BPHL: variants seen among roughly 807,000 people sequenced by gnomAD.
BPHL encodes the protein biphenyl hydrolase like.
A neutral mutation model predicts 31.2 loss-of-function variants in BPHL; 27 were observed. That is an observed-to-expected ratio of 0.87 (90% confidence interval 0.64 to 1.19). The LOEUF is 1.19. Among genes scored for constraint, BPHL ranks in the 50% most tolerant of loss-of-function variants. BPHL has a pLI of 0.00. For synonymous variants in BPHL, 150 were observed against 146.8 expected (o/e 1.02, Z -0.16); for missense variants, 356 against 375.7 (o/e 0.95, Z 0.43).
chr6:3,142,568 A>G (rs1369323701), intron 6 of BPHL, among the ~76,000 whole-genome samples: 1 of 152,208 alleles, frequency 6.6e-6, no homozygotes. Flanking sequence ...TATGAAAAAT[A>G]TTATCCATTT....
Position 3,149,472 on chromosome 6 carries a change from G to C in BPHL, c.789-3016G>C, listed in dbSNP as rs1343138839. Among the ~76,000 whole-genome samples, 1 of 152,118 alleles carries C rather than the reference G, an allele frequency of 6.6e-6. No individual in the cohort carries two copies. Among genetic ancestry groups the C allele is most frequent in the East Asian group, 1.9e-4 (1 of 5,192 alleles). On this transcript the variant is annotated intron_variant, in intron 6 of 6. Transcript: ENST00000380379. This position sits in a 1 kb window ranked among gnomAD's most constrained non-coding sequence, Gnocchi z 4.6. ...TCTAATGCTTGTGTCTAATGCTTGA[G>C]ACATGGTTGCTTTTGAGAAATGGAG...
At chr6:3,118,679 G>C (rs886148691), upstream of BPHL, 144 of 1,172,368 alleles carry the variant, frequency 1.2e-4, no homozygotes, top group Admixed American at 9.3e-4. Context: ...GGGCAGAGTG[G>C]GCCGGGTACC....
intron 4 of BPHL, among the ~76,000 whole-genome samples, chr6:3,134,468 T>A (rs536554226): frequency 1.3e-3 from 189 of 148,062 alleles, no homozygotes; most frequent in African/African-American, 4.4e-3. Context: ...AGACAGGGTC[T>A]CCACTATTGC....
intron 6 of BPHL, among the ~76,000 whole-genome samples, chr6:3,145,982 T>TG (rs1320031294): frequency 1.1e-4 from 3 of 26,418 alleles, no homozygotes; most frequent in East Asian, 2.1e-3. Flanking sequence ...AGTGCTGGTT[T>TG]GGGTCGAGTG....
chr6:3,140,390 C>T lies in BPHL; in HGVS notation c.669C>T (p.Asn223=), dbSNP rs1762139579. 2 of 1,614,018 alleles carry T rather than the reference C, an allele frequency of 1.2e-6. No homozygotes were observed. The highest frequency in any genetic ancestry group is 2.7e-5 in the African/African-American group (2 of 74,886). The change falls in exon 6 of 7, where the codon AAC becomes AAT. Residue 223 remains asparagine, a synonymous_variant. Transcript: ENST00000380379. This position sits in a 1 kb window ranked among gnomAD's most constrained non-coding sequence, Gnocchi z 5.2. ...IRQFKHLPDG[N]ICRHLLPRVQ... is the part of the protein sequence containing the mutation. ...CTCGTGCTGTGTATCCGTCAGGTAACATCTGCCGGCACCTGCTGCCCCGGG... is the reference window on the plus strand; with the variant it reads ...CTCGTGCTGTGTATCCGTCAGGTAATATCTGCCGGCACCTGCTGCCCCGGG...
chr6:3,146,810 G>A (rs1349963269), intron 6 of BPHL, among the ~76,000 whole-genome samples: 2 of 150,856 alleles, frequency 1.3e-5, no homozygotes, highest in Non-Finnish European at 3.0e-5. Flanking sequence ...TGCTGGTTCG[G>A]GTTGGAGTGC....
intron 4 of BPHL, among the ~76,000 whole-genome samples, chr6:3,137,135 C>T (rs1384196107): frequency 2.6e-5 from 4 of 151,880 alleles, no homozygotes; most frequent in Admixed American, 6.6e-5. Flanking sequence ...AGCAAAGTCC[C>T]TTACACTGCA....
intron 4 of BPHL, among the ~76,000 whole-genome samples, chr6:3,136,024 G>A (rs975667912): frequency 2.6e-5 from 4 of 152,092 alleles, no homozygotes; most frequent in Admixed American, 2.6e-4. Flanking sequence ...TTCCTTTGCT[G>A]TATTTTCAGG....
At chr6:3,145,683 GGGTCGAGTGCTGGTTCA>G (rs1762324051) in intron 6 of BPHL, among the ~76,000 whole-genome samples, 2 of 70,648 alleles carry the variant, frequency 2.8e-5, no homozygotes, top group Non-Finnish European at 6.8e-5. Context: ...GTGCTGGTTT[GGGTCGAGTGCTGGTTCA>G]GGTTGGAGTG....
chr6:3,148,872 G>A (rs778077556), intron 6 of BPHL, among the ~76,000 whole-genome samples: 4 of 152,204 alleles, frequency 2.6e-5, no homozygotes, highest in Non-Finnish European at 5.9e-5. Context: ...CCAGTTGGAG[G>A]TGTTGTGTTA....
chr6:3,125,101 A>C (rs1761680010), intron 2 of BPHL, among the ~76,000 whole-genome samples: 1 of 147,912 alleles, frequency 6.8e-6, no homozygotes, highest in Admixed American at 6.8e-5. Flanking sequence ...GGCTGGAGCC[A>C]GTGGCACTAT....
chr6:3,128,804 G>A (rs1191526408), intron 3 of BPHL, among the ~76,000 whole-genome samples: 4 of 152,216 alleles, frequency 2.6e-5, no homozygotes, highest in African/African-American at 9.7e-5. Context: ...TATCCAACCA[G>A]AAGATGTAGT....
rs1053712116 is a variant in BPHL, at chr6:3,119,393, T to C, written c.107+546T>C. 1.4e-5 allele frequency: 22 copies of C among 1,604,148 alleles called. No homozygotes were observed. In the Middle Eastern group the frequency reaches 4.9e-4, roughly 36 times the overall value. On this transcript the variant is annotated intron_variant, in intron 1 of 6. Coordinates refer to ENST00000380379, the MANE Select transcript of BPHL (RefSeq NM_004332.4). ...TACCTTAATGTGCAAAAGAATCACGTTGGGAACTGAAAATTCAGAATCCTG... is the reference window on the plus strand; with the variant it reads ...TACCTTAATGTGCAAAAGAATCACGCTGGGAACTGAAAATTCAGAATCCTG...
chr6:3,141,643 G>C (rs1189035488), intron 6 of BPHL, among the ~76,000 whole-genome samples: 2 of 152,174 alleles, frequency 1.3e-5, no homozygotes, highest in Non-Finnish European at 2.9e-5. Flanking sequence ...TGGGATTACA[G>C]GCATGAGCCA....
chr6:3,122,619 T>G (rs1761606925), intron 1 of BPHL, among the ~76,000 whole-genome samples: 1 of 152,234 alleles, frequency 6.6e-6, no homozygotes, highest in Non-Finnish European at 1.5e-5. Flanking sequence ...TGAGGCGTTG[T>G]CCTGTGCTAA....
intron 1 of BPHL, chr6:3,119,161 G>T: frequency 2.3e-6 from 2 of 884,136 alleles, no homozygotes; most frequent in Non-Finnish European, 3.5e-6. Context: ...ACATTTGCCT[G>T]TAGTATGGAC....
rs865998366 is a variant in BPHL at position 3,128,935 on chromosome 6, A to G, written c.379-110A>G. ...ACTCTAGGGTTTTTCTTTTCTGACT[A>G]ATTGATACTCCAGCCTCACACCTGT... On this transcript the variant is annotated intron_variant, in intron 3 of 6. Coordinates refer to ENST00000380379, the MANE Select transcript of BPHL (RefSeq NM_004332.4). 6 of 1,504,486 alleles carry G rather than the reference A, an allele frequency of 4.0e-6. No individual in the cohort carries two copies. The Middle Eastern group carries it at 5.2e-4, about 130-fold the overall frequency. The allele number at this position is 1,504,486 out of a possible 1,614,324, so 93.2% of individuals were successfully genotyped here.
At chr6:3,118,671 G>T (rs1052560122), upstream of BPHL, 40 of 1,114,596 alleles carry the variant, frequency 3.6e-5, no homozygotes, top group Middle Eastern at 2.3e-4. Context: ...TGGCTTCGGG[G>T]CAGAGTGGGC....
intron 1 of BPHL, among the ~76,000 whole-genome samples, chr6:3,122,570 A>G (rs1006922299): frequency 5.3e-5 from 8 of 152,194 alleles, no homozygotes; most frequent in African/African-American, 1.7e-4. Flanking sequence ...TACGGCACCC[A>G]TAATTCAGGC....
Sources: allele counts gnomAD v4.1 joint callset (sites outside exome capture counted in the v4.1 genomes callset), GRCh38; gene constraint gnomAD v4.1.1; non-coding constraint Gnocchi (gnomAD v3.1); transcripts MANE v1.5; gene names NCBI Gene and HGNC (gene_info 2026-07-23, HGNC 2026-07-21).